The following PLCG2 variants were observed in gnomAD, a reference collection of about 807,000 sequenced individuals.
The protein encoded by PLCG2 is 1-phosphatidylinositol 4,5-bisphosphate phosphodiesterase gamma-2.
A neutral mutation model predicts 175.6 loss-of-function variants in PLCG2; 69 were observed. That is an observed-to-expected ratio of 0.39 (90% CI 0.32 to 0.48). The LOEUF (loss-of-function observed/expected upper bound fraction) is 0.48, where lower values mean the gene tolerates loss of function less well. Among genes scored for constraint, PLCG2 ranks in the 20% least tolerant of loss-of-function variants. The pLI is 0.91. For missense variants in PLCG2, 1,798 were observed against 1,650.9 expected, an observed-to-expected ratio of 1.09 and a Z score of -1.54; for synonymous variants, 827 against 624.0, an observed-to-expected ratio of 1.33 and a Z score of -4.85.
intron 2 of PLCG2, among the ~76,000 whole-genome samples, chr16:81,828,686 T>C (rs1567485808): frequency 6.6e-6 from 1 of 152,186 alleles, no homozygotes; most frequent in African/African-American, 2.4e-5. Context: ...ATAAAAGTCG[T>C]CTGAGACTCA....
chr16:81,926,761 G>A (rs1003284902), intron 22 of PLCG2, among the ~76,000 whole-genome samples: 6 of 152,164 alleles, frequency 3.9e-5, no homozygotes, highest in South Asian at 4.1e-4. Flanking sequence ...CAACCTCCCC[G>A]AAATAGGGGT....
At chr16:81,853,534 C>G (rs1435536219) in intron 2 of PLCG2, among the ~76,000 whole-genome samples, 1 of 152,116 alleles carries the variant, frequency 6.6e-6, no homozygotes, top group Non-Finnish European at 1.5e-5. Context: ...GCATTAGATT[C>G]CAATAAGGAC....
At chr16:81,824,399 G>T (rs1422346611) in intron 2 of PLCG2, among the ~76,000 whole-genome samples, 1 of 152,176 alleles carries the variant, frequency 6.6e-6, no homozygotes, top group African/African-American at 2.4e-5. Flanking sequence ...CTCCCAAAGT[G>T]CTGGGATTAC....
intron 7 of PLCG2, among the ~76,000 whole-genome samples, chr16:81,872,047 G>A (rs967469916): frequency 6.6e-6 from 1 of 152,198 alleles, no homozygotes; most frequent in East Asian, 1.9e-4. Flanking sequence ...ATAGAATACA[G>A]GCCAGGTGCA....
intron 20 of PLCG2, among the ~76,000 whole-genome samples, chr16:81,920,731 G>A (rs1171105256): frequency 8.0e-6 from 1 of 124,636 alleles, no homozygotes; most frequent in Non-Finnish European, 1.7e-5. Flanking sequence ...GCTAGTAAAT[G>A]TTCAAACAGC....
intron 2 of PLCG2, among the ~76,000 whole-genome samples, chr16:81,845,384 C>T (rs911914104): frequency 6.6e-6 from 1 of 152,140 alleles, no homozygotes; most frequent in Non-Finnish European, 1.5e-5. Flanking sequence ...CATGTACAGT[C>T]GCACACTCAT....
intron 2 of PLCG2, among the ~76,000 whole-genome samples, chr16:81,763,195 A>C (rs1910075983): frequency 6.6e-6 from 1 of 152,264 alleles, no homozygotes; most frequent in African/African-American, 2.4e-5. Flanking sequence ...GGGAGAACCC[A>C]GCCTCTCCTC....
At chr16:81,756,154 G>A (rs952802181) in intron 2 of PLCG2, among the ~76,000 whole-genome samples, 4 of 152,208 alleles carry the variant, frequency 2.6e-5, no homozygotes, top group South Asian at 2.1e-4. Flanking sequence ...TCATTATTCC[G>A]CAAGATCAAA....
Position 81,955,042 on chromosome 16 carries a change from AG to A in PLCG2, c.3571-1651del, listed in dbSNP as rs142336349. ...TTAATATGCTTTATTCTTAATAGGG[AG>A]GAAAGTCATTACTAAGTGAAGTCAT... On this transcript the variant is annotated intron_variant, in intron 31 of 32. Transcript: ENST00000564138. 8.6e-3 allele frequency among the ~76,000 whole-genome samples: 1,312 copies of A among 152,206 alleles called. 11 individuals carry two copies. The highest frequency in any genetic ancestry group is 0.029 in the African/African-American group (1,194 of 41,514).
At chr16:81,887,722 C>T (rs1567517123) in intron 9 of PLCG2, among the ~76,000 whole-genome samples, 1 of 152,176 alleles carries the variant, frequency 6.6e-6, no homozygotes. Flanking sequence ...TTCTATTAGT[C>T]ATAAAGATAA....
chr16:81,777,026 A>G (rs1042123083), upstream of PLCG2, among the ~76,000 whole-genome samples: 13 of 152,322 alleles, frequency 8.5e-5, no homozygotes, highest in African/African-American at 2.6e-4. Flanking sequence ...AAAACATGAA[A>G]GAAAAAAAAG....
chr16:81,818,502 G>C (rs1361314218), intron 2 of PLCG2, among the ~76,000 whole-genome samples: 1 of 151,982 alleles, frequency 6.6e-6, no homozygotes, highest in African/African-American at 2.4e-5. Flanking sequence ...TTCTTCCTCT[G>C]CTTGCATCTT....
At chr16:81,893,437 C>G (rs967393119) in intron 11 of PLCG2, among the ~76,000 whole-genome samples, 9 of 150,496 alleles carry the variant, frequency 6.0e-5, no homozygotes, top group Non-Finnish European at 1.3e-4. Context: ...AACTTCTCCT[C>G]AAAAGAACAC....
chr16:81,836,611 C>G (rs532892903), intron 2 of PLCG2, among the ~76,000 whole-genome samples: 2 of 152,308 alleles, frequency 1.3e-5, no homozygotes, highest in African/African-American at 4.8e-5. Flanking sequence ...CATGATGGCA[C>G]ACTCCTTTGG....
chr16:81,875,359 C>A lies in PLCG2; in HGVS notation c.648+4424C>A, dbSNP rs866877577. ...ATTTTAGGGATTAAGAAACTGAGGT[C>A]CAGAGAGGTTACTTTGCTGAAGGCC... On this transcript the variant is annotated intron_variant, in intron 7 of 32. Coordinates refer to ENST00000564138, the MANE Select transcript of PLCG2 (RefSeq NM_002661.5). Among the ~76,000 whole-genome samples the A allele has an allele frequency of 2.0e-5, 3 of 152,034 alleles. 1 individual carries two copies. The highest frequency in any genetic ancestry group is 4.8e-5 in the African/African-American group (2 of 41,392).
Position 81,893,698 on chromosome 16 carries a change from C to T in PLCG2, c.987-11C>T. 1 of 1,590,272 alleles carries T rather than the reference C, an allele frequency of 6.3e-7. No homozygotes were observed. Among genetic ancestry groups the T allele is most frequent in the Non-Finnish European group, 8.6e-7 (1 of 1,159,978 alleles). ...CCACTCTCACACGGCCACCTGCCTT[C>T]TCTCCTGCAGGTACCTTACAGGTGA... On this transcript the variant is annotated splice_polypyrimidine_tract_variant and intron_variant, in intron 11 of 32. Coordinates refer to ENST00000564138, the MANE Select transcript of PLCG2 (RefSeq NM_002661.5).
At chr16:81,777,141 A>G (rs1382170643), upstream of PLCG2, among the ~76,000 whole-genome samples, 1 of 152,116 alleles carries the variant, frequency 6.6e-6, no homozygotes, top group African/African-American at 2.4e-5. Flanking sequence ...CCTGTTCTTC[A>G]TGTTCTTATT....
chr16:81,833,255 C>T (rs192941122), intron 2 of PLCG2, among the ~76,000 whole-genome samples: 1 of 152,264 alleles, frequency 6.6e-6, no homozygotes, highest in East Asian at 1.9e-4. Context: ...CTGTGGGGGC[C>T]ACAGCCTGGT....
chr16:81,937,520 G>A (rs1458229949), intron 27 of PLCG2: 2 of 411,324 alleles, frequency 4.9e-6, no homozygotes, highest in Non-Finnish European at 8.7e-6. Context: ...CTTTTAGCAA[G>A]TTTGAATCTT....
Sources: allele counts gnomAD v4.1 joint callset (sites outside exome capture counted in the v4.1 genomes callset), GRCh38; gene constraint gnomAD v4.1.1; transcripts MANE v1.5; gene names NCBI Gene and HGNC (gene_info 2026-07-23, HGNC 2026-07-21).